VAV3: variants seen among roughly 807,000 people sequenced by gnomAD.
VAV3 encodes the protein vav guanine nucleotide exchange factor 3, also known as guanine nucleotide exchange factor VAV3.
A neutral mutation model predicts 131.2 loss-of-function variants in VAV3; 94 were observed. That is an observed-to-expected ratio of 0.72 (90% CI 0.61 to 0.85). The LOEUF (loss-of-function observed/expected upper bound fraction) is 0.85, where lower values mean the gene tolerates loss of function less well. Among genes scored for constraint, VAV3 ranks in the 40% least tolerant of loss-of-function variants. The pLI, the probability that VAV3 is intolerant of heterozygous loss-of-function variation, is 0.00. For synonymous variants in VAV3, 349 were observed against 342.0 expected (o/e 1.02, Z -0.22); for missense variants, 939 against 1,002.7 (o/e 0.94, Z 0.86).
At chr1:107,625,776 G>T (rs1653971460) in intron 20 of VAV3, among the ~76,000 whole-genome samples, 1 of 151,840 alleles carries the variant, frequency 6.6e-6, no homozygotes, top group Admixed American at 6.6e-5. Context: ...AAATTATTTG[G>T]CCACAACTCT....
intron 2 of VAV3, among the ~76,000 whole-genome samples, chr1:107,798,163 C>T (rs1282563673): frequency 6.6e-6 from 1 of 152,252 alleles, no homozygotes; most frequent in Non-Finnish European, 1.5e-5. Flanking sequence ...CACAAACCAA[C>T]AAGGGAAAAT....
intron 7 of VAV3, among the ~76,000 whole-genome samples, chr1:107,767,985 T>C (rs146286694): frequency 2.0e-5 from 3 of 152,308 alleles, no homozygotes; most frequent in Non-Finnish European, 4.4e-5. Context: ...TTACATATGA[T>C]ACAACTGGAA....
intron 20 of VAV3, among the ~76,000 whole-genome samples, chr1:107,631,163 G>C (rs1212755836): frequency 1.3e-5 from 2 of 151,480 alleles, no homozygotes; most frequent in Admixed American, 6.6e-5. Flanking sequence ...ATTTTTTTTT[G>C]AGACATAAAA....
chr1:107,791,434 T>TG (rs2102272995), intron 2 of VAV3, among the ~76,000 whole-genome samples: 1 of 150,852 alleles, frequency 6.6e-6, no homozygotes, highest in South Asian at 2.1e-4. Context: ...AGTACACATG[T>TG]GAACCCAAGG....
intron 2 of VAV3, among the ~76,000 whole-genome samples, chr1:107,781,769 A>G (rs2102234873): frequency 6.6e-6 from 1 of 152,304 alleles, no homozygotes; most frequent in African/African-American, 2.4e-5. Context: ...TCGAACATCT[A>G]ATGTCAAAAC....
At chr1:107,896,741 T>TA (rs75059947) in intron 1 of VAV3, among the ~76,000 whole-genome samples, 8 of 152,050 alleles carry the variant, frequency 5.3e-5, no homozygotes, top group South Asian at 2.1e-4. Context: ...TAATCTGTAT[T>TA]AAAAAAATGG....
Position 107,868,496 on chromosome 1 carries a change from T to C in VAV3, c.321+6405A>G, listed in dbSNP as rs143524017. 2.0e-5 allele frequency among the ~76,000 whole-genome samples: 3 copies of C among 152,188 alleles called. No individual in the cohort carries two copies. The East Asian group carries it at 5.8e-4, about 29-fold the overall frequency. On this transcript the variant is annotated intron_variant, in intron 2 of 26. Transcript: ENST00000370056. ...TTTCACAAAGATAGACAGGTAGTAG[T>C]AAACCATTGCAGGCTCTCAAGTAGG...
chr1:107,730,169 A>G (rs1043764004), intron 15 of VAV3, among the ~76,000 whole-genome samples: 1 of 152,238 alleles, frequency 6.6e-6, no homozygotes, highest in Non-Finnish European at 1.5e-5. Context: ...GGTTCTCCCC[A>G]GGAAGGAGAA....
intron 19 of VAV3, chr1:107,668,816 C>T: frequency 1.0e-6 from 1 of 985,348 alleles, no homozygotes; most frequent in African/African-American, 1.7e-5. Flanking sequence ...TTAGGAGAAA[C>T]ATACAGTTTT....
chr1:107,609,593 T>C (rs1215510974), intron 22 of VAV3: 3 of 191,604 alleles, frequency 1.6e-5, no homozygotes, highest in Non-Finnish European at 2.1e-5. Context: ...TAATTTTTAG[T>C]TTTTAGACAA....
rs139999022 is a variant in VAV3 at position 107,793,724 on chromosome 1, A to T, written c.322-14232T>A. 1.9e-3 allele frequency among the ~76,000 whole-genome samples: 290 copies of T among 152,354 alleles called. 2 individuals carry two copies. The highest frequency in any genetic ancestry group is 6.6e-3 in the African/African-American group (274 of 41,584). On this transcript the variant is annotated intron_variant, in intron 2 of 26. Transcript: ENST00000370056. ...TTGTTATTTATATTATGATAAGCCAATAAAGATATTTTTAGCTGGAGAATG... is the reference window on the plus strand; with the variant it reads ...TTGTTATTTATATTATGATAAGCCATTAAAGATATTTTTAGCTGGAGAATG...
intron 2 of VAV3, among the ~76,000 whole-genome samples, chr1:107,818,499 G>C (rs138864739): frequency 1.3e-5 from 2 of 152,106 alleles, no homozygotes; most frequent in African/African-American, 4.8e-5. Flanking sequence ...GAAGGGAAAG[G>C]AGGGAGGAAC....
intron 2 of VAV3, among the ~76,000 whole-genome samples, chr1:107,867,042 T>C (rs775625948): frequency 6.6e-6 from 1 of 152,088 alleles, no homozygotes; most frequent in Non-Finnish European, 1.5e-5. Flanking sequence ...AATTCTGGAG[T>C]AAACAAAAGT....
chr1:107,840,661 A>T (rs1242590940), intron 2 of VAV3, among the ~76,000 whole-genome samples: 1 of 152,214 alleles, frequency 6.6e-6, no homozygotes, highest in Admixed American at 6.5e-5. Flanking sequence ...GGAAGCAACA[A>T]AAGTTAAGTC....
chr1:107,720,079 A>G (rs1034547290), intron 15 of VAV3, among the ~76,000 whole-genome samples: 4 of 152,180 alleles, frequency 2.6e-5, no homozygotes, highest in Non-Finnish European at 4.4e-5. Context: ...GGAATGGGGC[A>G]GGGATAGCAT....
intron 9 of VAV3, among the ~76,000 whole-genome samples, chr1:107,761,208 T>C (rs898904547): frequency 3.3e-5 from 5 of 151,800 alleles, no homozygotes; most frequent in African/African-American, 9.7e-5. Flanking sequence ...GCTAACATGG[T>C]GAAACCCCAT....
At chr1:107,667,011 C>T (rs1657457581) in intron 19 of VAV3, among the ~76,000 whole-genome samples, 1 of 152,192 alleles carries the variant, frequency 6.6e-6, no homozygotes, top group Non-Finnish European at 1.5e-5. Flanking sequence ...GCAGCTTGTA[C>T]TGCTGCCTCT....
At chr1:107,940,371 C>T (rs1405371128) in intron 1 of VAV3, among the ~76,000 whole-genome samples, 1 of 152,164 alleles carries the variant, frequency 6.6e-6, no homozygotes, top group Non-Finnish European at 1.5e-5. Flanking sequence ...GTAGCTACCA[C>T]AACAAGCAAG....
intron 2 of VAV3, among the ~76,000 whole-genome samples, chr1:107,840,099 T>C (rs1413508981): frequency 6.6e-6 from 1 of 152,124 alleles, no homozygotes; most frequent in Non-Finnish European, 1.5e-5. Flanking sequence ...GAAAATATAA[T>C]CCACAATTTC....
Sources: allele counts gnomAD v4.1 joint callset (sites outside exome capture counted in the v4.1 genomes callset), GRCh38; gene constraint gnomAD v4.1.1; transcripts MANE v1.5; gene names NCBI Gene and HGNC (gene_info 2026-07-23, HGNC 2026-07-21).